The following SYNE2 variants were observed in gnomAD, a reference collection of about 807,000 sequenced individuals.
SYNE2 encodes nesprin-2.
A neutral mutation model predicts 856.3 loss-of-function variants in SYNE2; 431 were observed. The observed-to-expected ratio is 0.50, with a 90% CI of 0.47 to 0.55. SYNE2 has a LOEUF of 0.55. Ranked by LOEUF, SYNE2 falls within the 20% of genes least tolerant of loss-of-function variation. SYNE2 has a pLI of 0.00. For missense variants in SYNE2, 8,129 were observed against 8,023.2 expected (o/e 1.01, Z -0.50); for synonymous variants, 2,923 against 2,872.3 (o/e 1.02, Z -0.56).
rs576084762 is a variant in SYNE2 at position 63,920,991 on chromosome 14, T to G, written c.79+11764T>G. Among the ~76,000 whole-genome samples, 98 of 152,220 alleles carry G rather than the reference T, an allele frequency of 6.4e-4. 1 individual carries two copies. In the South Asian group the frequency reaches 0.017, roughly 27 times the overall value. ...TTAGCTGGGCGTGTTGGCATGCACC[T>G]GTAATCTCAGCTACTCTGGAGGCCG... On this transcript the variant is annotated intron_variant, in intron 2 of 115. Transcript: ENST00000555002.
chr14:63,986,556 C>T lies in SYNE2; in HGVS notation c.2252C>T (p.Ala751Val), dbSNP rs368859006. 3.1e-6 allele frequency: 5 copies of T among 1,614,102 alleles called. No homozygotes were observed. Among genetic ancestry groups the T allele is most frequent in the Middle Eastern group, 1.6e-4 (1 of 6,062 alleles). ...KLIGQVEIWE[A>V]EAKSVLDQDD... Reference sequence around the variant, plus strand: ...ATTGGACAAGTGGAAATCTGGGAGGCAGAAGCCAAATCTGTTTTGGATCAA... The same window carrying T: ...ATTGGACAAGTGGAAATCTGGGAGGTAGAAGCCAAATCTGTTTTGGATCAA... The change falls in exon 19 of 116, where the codon GCA (alanine) becomes GTA (valine). Residue 751 changes from alanine (A) to valine (V), a missense_variant. By Grantham distance (64) the Ala-to-Val change is moderately conservative. This residue lies in a region of SYNE2 where 2,422 missense variants were observed against 2,357.4 expected (regional missense o/e 1.03). Transcript: ENST00000555002.
chr14:63,895,341 C>T (rs1291009504), intron 1 of SYNE2, among the ~76,000 whole-genome samples: 3 of 151,594 alleles, frequency 2.0e-5, no homozygotes, highest in African/African-American at 7.3e-5. Flanking sequence ...GAACTCCTGA[C>T]CTTGTGATCT....
chr14:63,835,742 G>T (rs900229448), intron 1 of SYNE2, among the ~76,000 whole-genome samples: 3 of 152,038 alleles, frequency 2.0e-5, no homozygotes, highest in South Asian at 2.1e-4. Flanking sequence ...CCAGTATTTT[G>T]GGAGGCTGAG....
rs1178353103 is a variant in SYNE2, at chr14:64,062,829, T to C, written c.10146T>C (p.Leu3382=). 2 of 1,614,184 alleles carry C rather than the reference T, an allele frequency of 1.2e-6. No homozygotes were observed. Among genetic ancestry groups the C allele is most frequent in the Admixed American group, 1.7e-5 (1 of 60,026 alleles). ...YTNLSKMETV[L]GQSMSSLPLS... is the part of the protein sequence containing the mutation. ...ACCTCAGCAAAATGGAGACAGTTCT[T>C]GGACAGTCCATGTCCTCGTTGCCAC... Residue 3382 remains leucine (L), a synonymous_variant, in exon 50 of 116, where the codon CTT becomes CTC. Coordinates refer to ENST00000555002, the MANE Select transcript of SYNE2 (RefSeq NM_182914.3).
At chr14:64,014,928 C>CTT (rs1567054597) in intron 32 of SYNE2, among the ~76,000 whole-genome samples, 1 of 51,868 alleles carries the variant, frequency 1.9e-5, no homozygotes, top group South Asian at 9.5e-4. Flanking sequence ...TGTATAATTC[C>CTT]TTATATATAT....
At chr14:64,147,431 C>A (rs2098197253) in intron 84 of SYNE2, among the ~76,000 whole-genome samples, 1 of 152,170 alleles carries the variant, frequency 6.6e-6, no homozygotes. Flanking sequence ...ATGAAGTTCA[C>A]ATGTTTTAGA....
intron 87 of SYNE2, among the ~76,000 whole-genome samples, chr14:64,160,744 C>T (rs2153713641): frequency 6.6e-6 from 1 of 152,124 alleles, no homozygotes. Context: ...CCATTTATTC[C>T]CAAAGCCTTA....
chr14:64,073,412 G>A (rs2097428829), intron 52 of SYNE2, among the ~76,000 whole-genome samples: 1 of 152,238 alleles, frequency 6.6e-6, no homozygotes, highest in South Asian at 2.1e-4. Flanking sequence ...CTCCTAGCTA[G>A]CACTCCTATC....
chr14:64,195,799 T>C (rs1328524738), intron 99 of SYNE2, among the ~76,000 whole-genome samples: 1 of 152,222 alleles, frequency 6.6e-6, no homozygotes, highest in Admixed American at 6.5e-5. Flanking sequence ...AGTCACGAAG[T>C]TGACTTGCGT....
At chr14:64,045,243 A>G (rs1368517655) in intron 45 of SYNE2, among the ~76,000 whole-genome samples, 3 of 152,180 alleles carry the variant, frequency 2.0e-5, no homozygotes, top group African/African-American at 7.2e-5. Flanking sequence ...GGTTTTCAAG[A>G]ATCCTTTTTC....
intron 58 of SYNE2, among the ~76,000 whole-genome samples, chr14:64,088,646 C>T (rs952499977): frequency 3.3e-5 from 5 of 152,188 alleles, no homozygotes; most frequent in Non-Finnish European, 7.3e-5. Flanking sequence ...CAGGTAGTCC[C>T]AAGTCTTTAT....
intron 47 of SYNE2, among the ~76,000 whole-genome samples, chr14:64,050,151 C>T (rs559914498): frequency 1.3e-5 from 2 of 152,244 alleles, no homozygotes; most frequent in South Asian, 2.1e-4. Flanking sequence ...CAGCATCTGA[C>T]GAGGACCTGC....
In SYNE2 at chr14:63,942,107, C is replaced by T. The variant is rs2095926586; in HGVS notation, c.372C>T (p.Ile124=). 1.2e-6 allele frequency: 2 copies of T among 1,610,538 alleles called. No individual in the cohort carries two copies. The change falls in exon 6 of 116, where the codon ATC becomes ATT. Residue 124 remains isoleucine, a synonymous_variant. Transcript: ENST00000555002. ...TDIIDGNPSI[I]LGLIWTIILH... is the part of the protein sequence containing the mutation. ...TCATTGATGGAAACCCATCCATTATCCTTGGCCTAATTTGGACAATTATCC... is the reference window on the plus strand; with the variant it reads ...TCATTGATGGAAACCCATCCATTATTCTTGGCCTAATTTGGACAATTATCC...
At chr14:64,189,153 G>C in intron 98 of SYNE2, 3 of 596,218 alleles carry the variant, frequency 5.0e-6, no homozygotes, top group South Asian at 2.0e-5. Flanking sequence ...GGCTGACATG[G>C]TGAAACCTCG....
intron 1 of SYNE2, among the ~76,000 whole-genome samples, chr14:63,840,309 C>T (rs1890008409): frequency 6.6e-6 from 1 of 151,964 alleles, no homozygotes. Context: ...CAAGTAACTG[C>T]TCCAAAATAA....
At chr14:64,130,883 C>CA (rs34083068) in intron 76 of SYNE2, among the ~76,000 whole-genome samples, 7,661 of 99,352 alleles carry the variant, frequency 0.077, 257 homozygotes, top group Admixed American at 0.11. Flanking sequence ...GACTCTATCT[C>CA]AAAAAAAAAA....
At chr14:63,836,944 T>C (rs1296505402) in intron 1 of SYNE2, among the ~76,000 whole-genome samples, 1 of 152,232 alleles carries the variant, frequency 6.6e-6, no homozygotes, top group Non-Finnish European at 1.5e-5. Context: ...TCATTTTCAT[T>C]GTTAGATGAT....
chr14:63,831,160 T>A (rs530644980), intron 1 of SYNE2, among the ~76,000 whole-genome samples: 31 of 152,164 alleles, frequency 2.0e-4, no homozygotes, highest in Admixed American at 9.8e-4. Flanking sequence ...TATTTTTGAA[T>A]CTCTATTTTG....
At chr14:64,171,679 G>A (rs2098411533) in intron 94 of SYNE2, among the ~76,000 whole-genome samples, 1 of 152,228 alleles carries the variant, frequency 6.6e-6, no homozygotes, top group Admixed American at 6.5e-5. Context: ...AAAAAGGCCA[G>A]TGTGACTGGC....
Sources: gnomAD v4.1 joint callset for allele counts (sites outside exome capture counted in the v4.1 genomes callset) on GRCh38, gnomAD v4.1.1 for gene constraint, gnomAD v4.1.1 regional missense constraint, MANE v1.5 for transcripts, NCBI Gene and HGNC (gene_info 2026-07-23, HGNC 2026-07-21) for gene names.